IFI16: variants seen among roughly 807,000 people sequenced by gnomAD.
IFI16 encodes the protein interferon gamma inducible protein 16.
IFI16 carries 49 observed loss-of-function variants against 68.4 expected under a neutral mutation model. That is an observed-to-expected ratio of 0.72 (90% confidence interval 0.57 to 0.91). IFI16 has a LOEUF of 0.91. Ranked by LOEUF, IFI16 falls within the 40% of genes least tolerant of loss-of-function variation. The pLI, the probability that IFI16 is intolerant of heterozygous loss-of-function variation, is 0.00. For missense variants in IFI16, 878 were observed against 942.9 expected (o/e 0.93, Z 0.90); for synonymous variants, 307 against 315.0 (o/e 0.97, Z 0.27).
intron 8 of IFI16, among the ~76,000 whole-genome samples, chr1:159,046,490 G>T (rs1481607068): frequency 6.6e-6 from 1 of 151,148 alleles, no homozygotes; most frequent in Non-Finnish European, 1.5e-5. Context: ...AACATACAAT[G>T]ATTTGAGATA....
intron 8 of IFI16, among the ~76,000 whole-genome samples, chr1:159,048,453 T>C (rs1230188187): frequency 6.6e-6 from 1 of 151,554 alleles, no homozygotes; most frequent in Non-Finnish European, 1.5e-5. Flanking sequence ...ACATTTAAAA[T>C]GTGAACCTTT....
At chr1:159,039,920 T>C (rs1026305375) in intron 7 of IFI16, among the ~76,000 whole-genome samples, 4 of 152,204 alleles carry the variant, frequency 2.6e-5, no homozygotes, top group African/African-American at 9.6e-5. Flanking sequence ...GTATTTGCAT[T>C]GTATAATGCA....
intron 6 of IFI16, among the ~76,000 whole-genome samples, chr1:159,024,665 T>C (rs1653540137): frequency 6.6e-6 from 1 of 152,200 alleles, no homozygotes; most frequent in Admixed American, 6.5e-5. Context: ...GGGACATAAA[T>C]ATTTGTGTGA....
intron 3 of IFI16, 83 bp from the exon 4 acceptor site, chr1:159,016,450 T>G (rs1652928940): frequency 7.9e-6 from 10 of 1,262,952 alleles, no homozygotes; most frequent in Non-Finnish European, 1.1e-5. Context: ...TTAGGAATAA[T>G]AAAACTACTA....
intron 6 of IFI16, among the ~76,000 whole-genome samples, chr1:159,028,871 G>A (rs1653825566): frequency 6.6e-6 from 1 of 151,740 alleles, no homozygotes; most frequent in Non-Finnish European, 1.5e-5. Flanking sequence ...TTATGTTTAT[G>A]TGAGGCCTTA....
At chr1:159,001,582 C>T (rs189346324), upstream of IFI16, among the ~76,000 whole-genome samples, 146 of 152,176 alleles carry the variant, frequency 9.6e-4, no homozygotes, top group African/African-American at 2.6e-3. Flanking sequence ...ACTACATGAA[C>T]GCCCCTGTCT....
upstream of IFI16, among the ~76,000 whole-genome samples, chr1:159,009,668 T>G (rs1417805): frequency 0.37 from 56,698 of 152,148 alleles, 12,969 homozygotes; most frequent in Non-Finnish European, 0.5. Context: ...TTTATATACA[T>G]TTATGAGATA....
intron 6 of IFI16, among the ~76,000 whole-genome samples, chr1:159,021,014 T>C (rs1029820082): frequency 6.6e-6 from 1 of 152,214 alleles, no homozygotes; most frequent in Non-Finnish European, 1.5e-5. Context: ...CTCTCCAATT[T>C]GTTAATTTGA....
chr1:159,050,060 G>A (rs1211652375), intron 9 of IFI16, among the ~76,000 whole-genome samples: 1 of 152,080 alleles, frequency 6.6e-6, no homozygotes, highest in Admixed American at 6.5e-5. Flanking sequence ...TTCAGTACAT[G>A]GTCTTTCTGA....
At chr1:159,025,671 C>T (rs1437864531) in intron 6 of IFI16, among the ~76,000 whole-genome samples, 3 of 152,204 alleles carry the variant, frequency 2.0e-5, no homozygotes, top group East Asian at 3.8e-4. Flanking sequence ...AGCTTTTTAG[C>T]TTAATTAAGT....
intron 6 of IFI16, among the ~76,000 whole-genome samples, chr1:159,021,412 C>T (rs928576789): frequency 3.3e-5 from 5 of 152,184 alleles, no homozygotes; most frequent in Admixed American, 6.5e-5. Flanking sequence ...ATCCGGGTTG[C>T]TGTGAATGCC....
At chr1:159,012,467 T>C (rs1652628868) in intron 1 of IFI16, among the ~76,000 whole-genome samples, 1 of 152,130 alleles carries the variant, frequency 6.6e-6, no homozygotes, top group Admixed American at 6.5e-5. Context: ...AACATGTGAG[T>C]GTTCACATTT....
upstream of IFI16, chr1:159,009,768 C>T (rs1044865923): frequency 6.6e-6 from 1 of 152,142 alleles, no homozygotes; most frequent in Admixed American, 6.5e-5. Context: ...TAACTGTACC[C>T]ATTAAAGTAA....
At chr1:159,052,210 T>G in intron 10 of IFI16, 112 bp downstream of exon 10, 1 of 750,032 alleles carries the variant, frequency 1.3e-6, no homozygotes, top group Non-Finnish European at 2.2e-6. Flanking sequence ...ATCAACCCCT[T>G]CACCCTTCCC....
intron 10 of IFI16, 79 bp downstream of exon 10, chr1:159,052,177 G>C (rs1655407590): frequency 2.6e-6 from 3 of 1,171,038 alleles, no homozygotes; most frequent in Non-Finnish European, 3.6e-6. Flanking sequence ...ACTGGAGTTT[G>C]GTCAACTTAC....
intron 7 of IFI16, among the ~76,000 whole-genome samples, chr1:159,041,457 G>T (rs1002216005): frequency 6.6e-5 from 10 of 152,132 alleles, no homozygotes; most frequent in African/African-American, 2.4e-4. Flanking sequence ...ACAAAAAGAT[G>T]GAGAGGTTGG....
intron 4 of IFI16, 74 bp from the exon 5 acceptor site, chr1:159,018,155 T>C (rs1163310560): frequency 3.8e-6 from 5 of 1,302,440 alleles, no homozygotes; most frequent in South Asian, 2.7e-5. Flanking sequence ...TGTGTTATAC[T>C]GAGGTCACTG....
At chr1:159,053,335 C>CAA in intron 10 of IFI16, 198 bp from the exon 11 acceptor site, 1 of 400,206 alleles carries the variant, frequency 2.5e-6, no homozygotes, top group Non-Finnish European at 4.4e-6. Context: ...AGAACTTCAA[C>CAA]AAAAGAGGCT....
At chr1:159,001,992 C>T (rs1156568635), upstream of IFI16, among the ~76,000 whole-genome samples, 1 of 152,132 alleles carries the variant, frequency 6.6e-6, no homozygotes, top group Non-Finnish European at 1.5e-5. Flanking sequence ...GTACAAAGTG[C>T]TTTCACATGA....
Sources: allele counts gnomAD v4.1 joint callset (sites outside exome capture counted in the v4.1 genomes callset), GRCh38; gene constraint gnomAD v4.1.1; transcripts MANE v1.5; gene names NCBI Gene and HGNC (gene_info 2026-07-23, HGNC 2026-07-21).